EDEM2: variants seen among roughly 807,000 people sequenced by gnomAD.
EDEM2 encodes the protein ER degradation-enhancing alpha-mannosidase-like protein 2.
EDEM2 carries 39 observed loss-of-function variants against 64.8 expected under a neutral mutation model. The ratio of observed to expected loss-of-function variants is 0.60; its 90% CI spans 0.47 to 0.79. The LOEUF (loss-of-function observed/expected upper bound fraction) is 0.79. EDEM2 is among the 30% of genes least tolerant of loss of function. The pLI is 0.00. For missense variants in EDEM2, 609 were observed against 731.3 expected, an observed-to-expected ratio of 0.83 and a Z score of 1.93; for synonymous variants, 296 against 291.5, an observed-to-expected ratio of 1.02 and a Z score of -0.16.
At chr20:35,146,701 T>C in intron 2 of EDEM2, 124 bp downstream of exon 2, 4 of 1,040,566 alleles carry the variant, frequency 3.8e-6, no homozygotes, top group Non-Finnish European at 5.6e-6. Context: ...AGCGCGGCTC[T>C]AGCTCAGCTG....
chr20:35,117,201 G>A (rs772233542), intron 10 of EDEM2: 2 of 152,298 alleles, frequency 1.3e-5, no homozygotes, highest in South Asian at 4.1e-4. Flanking sequence ...TATTGACATT[G>A]TTTTAGTAAG....
At chr20:35,144,776 G>C (rs1223223260) in intron 3 of EDEM2, among the ~76,000 whole-genome samples, 1 of 152,200 alleles carries the variant, frequency 6.6e-6, no homozygotes, top group African/African-American at 2.4e-5. Flanking sequence ...ATAAATGTTT[G>C]CTAAATAAAT....
intron 6 of EDEM2, chr20:35,134,106 T>TTC: frequency 2.2e-6 from 1 of 456,238 alleles, no homozygotes; most frequent in South Asian, 1.5e-5. Context: ...GAAACTGACC[T>TTC]TAGAGATCAT....
chr20:35,135,795 C>T (rs1331194984), intron 5 of EDEM2, among the ~76,000 whole-genome samples: 1 of 152,126 alleles, frequency 6.6e-6, no homozygotes, highest in East Asian at 1.9e-4. Flanking sequence ...GTATGACCCT[C>T]GATTTATAGG....
intron 9 of EDEM2, among the ~76,000 whole-genome samples, chr20:35,123,352 G>A (rs897129440): frequency 6.6e-6 from 1 of 152,156 alleles, no homozygotes; most frequent in African/African-American, 2.4e-5. Context: ...CAGCACTTTG[G>A]GAGGCCAAGG....
In EDEM2 at chr20:35,134,858, C is replaced by T. The variant is rs780793692; in HGVS notation, c.582G>A (p.Gly194=). Residue 194 remains glycine, a synonymous_variant, in exon 6 of 11, where the codon GGG becomes GGA. Coordinates refer to ENST00000374492, the MANE Select transcript of EDEM2 (RefSeq NM_018217.3). ...PGETPVTCTA[G]IGTFIVEFAT... ...CAAATTCAACAATGAAGGTCCCAAT[C>T]CCTGCCGTACAGGTGACAGGGGTCT... 6 of 1,614,072 alleles carry T rather than the reference C, an allele frequency of 3.7e-6. No homozygotes were observed. Among genetic ancestry groups the T allele is most frequent in the South Asian group, 1.1e-5 (1 of 91,084 alleles).
At position 35,143,442 on chromosome 20, in the gene EDEM2, G is replaced by A. The variant is rs114249900; in HGVS notation, c.259-964C>T. On this transcript the variant is annotated intron_variant, in intron 3 of 10. Coordinates refer to ENST00000374492, the MANE Select transcript of EDEM2 (RefSeq NM_018217.3). Reference sequence around the variant, plus strand: ...TTAGAATAAAAGCCAAAACACTAACGATACTAGAATGCAAAGCTACAAAGA... The same window carrying A: ...TTAGAATAAAAGCCAAAACACTAACAATACTAGAATGCAAAGCTACAAAGA... Among the ~76,000 whole-genome samples the A allele has an allele frequency of 6.7e-3, 1,016 of 152,270 alleles. 12 individuals are homozygous for A. Among genetic ancestry groups the A allele is most frequent in the African/African-American group, 0.024 (984 of 41,558 alleles).
Position 35,126,301 on chromosome 20 carries a change from C to T in EDEM2, c.919G>A (p.Val307Met), listed in dbSNP as rs769742867. Residue 307 changes from valine (V) to methionine (M), a missense_variant, in exon 8 of 11, where the codon GTG (valine) becomes ATG (methionine). Val to Met is a conservative substitution (Grantham distance 21). Coordinates refer to ENST00000374492, the MANE Select transcript of EDEM2 (RefSeq NM_018217.3). ...YLWVQMYKGTVSMPVFQSLEA... is the reference protein window; with the variant it reads ...YLWVQMYKGTMSMPVFQSLEA... ...AAGGACTGGAAGACTGGCATGGACACAGTCCCCTTGTACATCTGAACCCAC... is the reference window on the plus strand; with the variant it reads ...AAGGACTGGAAGACTGGCATGGACATAGTCCCCTTGTACATCTGAACCCAC... 3.7e-6 allele frequency: 6 copies of T among 1,614,132 alleles called. No individual in the cohort carries two copies. Among genetic ancestry groups the T allele is most frequent in the Non-Finnish European group, 5.1e-6 (6 of 1,180,050 alleles).
At chr20:35,116,023 C>A in intron 10 of EDEM2, 90 bp from the exon 11 acceptor site, 1 of 1,441,814 alleles carries the variant, frequency 6.9e-7, no homozygotes, top group Admixed American at 2.0e-5. Context: ...TGTTCTGCCA[C>A]AAAGCAGCTG....
At position 35,128,317 on chromosome 20, in the gene EDEM2, A is replaced by C. The variant is rs538941924; in HGVS notation, c.845-1942T>G. The stretch of plus-strand genomic sequence containing the variant: ...AGAATGGCGTGAATCCGGGAGGTGG[A>C]GTTTGTAGTGAGCGGAGATCACACC... On this transcript the variant is annotated intron_variant, in intron 7 of 10. Coordinates refer to ENST00000374492, the MANE Select transcript of EDEM2 (RefSeq NM_018217.3). Among the ~76,000 whole-genome samples the C allele has an allele frequency of 5.6e-5, 8 of 142,126 alleles. 1 individual carries two copies. Among genetic ancestry groups the C allele is most frequent in the African/African-American group, 2.2e-4 (8 of 36,038 alleles). 93.2% of individuals were successfully genotyped at this position (142,126 alleles called of 152,430 possible). A position where few individuals can be genotyped will look rare whatever the true frequency, so the allele number is the denominator to read the frequency against.
chr20:35,126,505 A>T (rs2085434951), intron 7 of EDEM2, 130 bp from the exon 8 acceptor site: 3 of 1,123,062 alleles, frequency 2.7e-6, no homozygotes, highest in Non-Finnish European at 3.8e-6. Context: ...GAGGCTAGAC[A>T]AGAGCATGGA....
At chr20:35,130,094 G>C (rs2085487936) in intron 7 of EDEM2, among the ~76,000 whole-genome samples, 1 of 151,854 alleles carries the variant, frequency 6.6e-6, no homozygotes, top group Admixed American at 6.6e-5. Flanking sequence ...TTTGAGACAG[G>C]GTCTTACTCT....
intron 6 of EDEM2, among the ~76,000 whole-genome samples, chr20:35,133,139 G>A (rs1463214754): frequency 6.6e-6 from 1 of 151,492 alleles, no homozygotes; most frequent in Non-Finnish European, 1.5e-5. Context: ...CTCCAGCTTC[G>A]GAGTGATCCC....
In EDEM2 at chr20:35,144,971, A is replaced by C. The variant is rs902743749; in HGVS notation, c.258+8T>G. 2.5e-6 allele frequency: 4 copies of C among 1,613,998 alleles called. No individual in the cohort carries two copies. Among genetic ancestry groups the C allele is most frequent in the Non-Finnish European group, 3.4e-6 (4 of 1,179,890 alleles). On this transcript the variant is annotated splice_region_variant and intron_variant, in intron 3 of 10. Transcript: ENST00000374492. Reference sequence around the variant, plus strand: ...GTGGAAAGGAAAAGAAACAGACGAGATACTTACCAGCAAGGTGTCCAGTGC... The same window carrying C: ...GTGGAAAGGAAAAGAAACAGACGAGCTACTTACCAGCAAGGTGTCCAGTGC...
In EDEM2 at chr20:35,115,853, G is replaced by A. The variant is rs755081889; in HGVS notation, c.1317C>T (p.Leu439=). Residue 439 remains leucine (L), a synonymous_variant, in exon 11 of 11, where the codon CTC becomes CTT. Transcript: ENST00000374492. ...GGATGAAGTTGGTTGGGTCAAACAGGAGGTAGAGGTATTTCACAGTCTCGG... is the reference window on the plus strand; with the variant it reads ...GGATGAAGTTGGTTGGGTCAAACAGAAGGTAGAGGTATTTCACAGTCTCGG... The part of the protein sequence containing the change: ...FLAETVKYLY[L]LFDPTNFIHN... The A allele has an allele frequency of 1.2e-6, 2 of 1,613,830 alleles. No homozygotes were observed. The highest frequency in any genetic ancestry group is 2.2e-5 in the South Asian group (2 of 91,084).
intron 9 of EDEM2, 113 bp downstream of exon 9, chr20:35,123,777 A>G: frequency 7.4e-7 from 1 of 1,354,522 alleles, no homozygotes; most frequent in Non-Finnish European, 1.0e-6. Flanking sequence ...AAAGGAACAG[A>G]TGGAAAGAAA....
At chr20:35,143,962 G>A (rs1280792770) in intron 3 of EDEM2, among the ~76,000 whole-genome samples, 3 of 152,134 alleles carry the variant, frequency 2.0e-5, no homozygotes, top group Admixed American at 1.3e-4. Context: ...AGACCAGAGT[G>A]CAGTGGTGCG....
intron 6 of EDEM2, 45 bp from the exon 7 acceptor site, chr20:35,131,828 C>A: frequency 6.3e-7 from 1 of 1,596,144 alleles, no homozygotes; most frequent in East Asian, 2.2e-5. Context: ...AGGCCGATGG[C>A]CAAAGAAGGA....
intron 2 of EDEM2, 131 bp from the exon 3 acceptor site, chr20:35,145,149 C>T: frequency 1.1e-6 from 1 of 872,694 alleles, no homozygotes; most frequent in Non-Finnish European, 1.8e-6. Flanking sequence ...CTTACAGTCA[C>T]AACAGAGAAA....
Sources: gnomAD v4.1 joint callset for allele counts (sites outside exome capture counted in the v4.1 genomes callset) on GRCh38, gnomAD v4.1.1 for gene constraint, MANE v1.5 for transcripts, NCBI Gene and HGNC (gene_info 2026-07-23, HGNC 2026-07-21) for gene names.